Variants in PDZD2 observed in about 807,000 individuals in gnomAD.
The protein encoded by PDZD2 is PDZ domain-containing protein 2.
PDZD2 carries 90 observed loss-of-function variants against 220.7 expected under a neutral mutation model. The observed-to-expected ratio is 0.41, with a 90% CI of 0.34 to 0.49. The LOEUF (loss-of-function observed/expected upper bound fraction) is 0.49, where lower values mean the gene tolerates loss of function less well. PDZD2 is among the 20% of genes least tolerant of loss of function. The pLI, the probability that PDZD2 is intolerant of heterozygous loss-of-function variation, is 0.28. For missense variants in PDZD2, 3,174 were observed against 3,608.5 expected (o/e 0.88, Z 3.08); for synonymous variants, 1,375 against 1,450.5 (o/e 0.95, Z 1.18).
rs774267036 is a variant in PDZD2, at chr5:32,000,185, C to T, written c.1168C>T (p.His390Tyr). The change falls in exon 5 of 25, where the codon CAT (histidine) becomes TAT (tyrosine). Residue 390 changes from histidine to tyrosine, a missense_variant. Transcript: ENST00000438447. This position sits in a 1 kb window ranked among gnomAD's most constrained non-coding sequence, Gnocchi z 4.5. ...LGDELLVING[H>Y]LLVGLSHEEA... ...AGATGAGCTGCTGGTAATCAATGGT[C>T]ATTTACTGGTCGGGCTCTCCCACGA... is the stretch of plus-strand genomic sequence containing the variant. 9 of 1,613,758 alleles carry T rather than the reference C, an allele frequency of 5.6e-6. No individual in the cohort carries two copies. The African/African-American group carries it at 8.0e-5, about 14-fold the overall frequency.
At chr5:32,023,302 A>G (rs1475597729) in intron 6 of PDZD2, among the ~76,000 whole-genome samples, 1 of 152,044 alleles carries the variant, frequency 6.6e-6, no homozygotes, top group East Asian at 1.9e-4. Flanking sequence ...CTCTCCACTG[A>G]GGTCCCCACC....
intron 1 of PDZD2, among the ~76,000 whole-genome samples, chr5:31,695,497 T>C (rs577098063): frequency 2.6e-5 from 4 of 152,384 alleles, no homozygotes; most frequent in African/African-American, 9.6e-5. Context: ...ATCCAGTTTT[T>C]ATTGAAAATA....
At chr5:31,779,598 C>T (rs1463002110) in intron 1 of PDZD2, among the ~76,000 whole-genome samples, 2 of 152,068 alleles carry the variant, frequency 1.3e-5, no homozygotes, top group South Asian at 4.2e-4. Flanking sequence ...TGGTCTCGAT[C>T]TCCTGACCTC....
intron 2 of PDZD2, among the ~76,000 whole-genome samples, chr5:31,868,410 C>T (rs1456991216): frequency 2.6e-5 from 4 of 152,170 alleles, no homozygotes; most frequent in Non-Finnish European, 5.9e-5. Context: ...GCGCCACCTG[C>T]ACTCCAGCCT....
chr5:31,666,728 G>C lies in PDZD2; in HGVS notation c.-361+27291G>C, dbSNP rs181728285. The stretch of plus-strand genomic sequence containing the variant: ...CGCGCTGGGCCTGTATACCATAAGA[G>C]AGTAATTTCACTGTGAGCGTAATGA... On this transcript the variant is annotated intron_variant, in intron 1 of 24. Coordinates refer to ENST00000438447, the MANE Select transcript of PDZD2 (RefSeq NM_178140.4). Among the ~76,000 whole-genome samples, 177 of 152,304 alleles carry C rather than the reference G, an allele frequency of 1.2e-3. 2 individuals carry two copies. The highest frequency in any genetic ancestry group is 3.8e-3 in the African/African-American group (158 of 41,556).
At chr5:31,822,454 T>C (rs1178110736) in intron 2 of PDZD2, 2 of 404,294 alleles carry the variant, frequency 4.9e-6, no homozygotes, top group Non-Finnish European at 9.2e-6. Flanking sequence ...TATAGTTTTT[T>C]TTTTCCCAAA....
chr5:31,798,334 A>G (rs1465603774), intron 1 of PDZD2, among the ~76,000 whole-genome samples: 2 of 152,200 alleles, frequency 1.3e-5, no homozygotes, highest in Non-Finnish European at 2.9e-5. Context: ...CTCTGAATCT[A>G]CAGGATGGCG....
intron 1 of PDZD2, among the ~76,000 whole-genome samples, chr5:31,785,798 T>C (rs966594546): frequency 6.6e-6 from 1 of 152,002 alleles, no homozygotes; most frequent in Non-Finnish European, 1.5e-5. Flanking sequence ...AGAGTGACGG[T>C]GGATCCAACC....
At chr5:32,035,679 TA>T (rs1310160818) in intron 6 of PDZD2, among the ~76,000 whole-genome samples, 1 of 152,010 alleles carries the variant, frequency 6.6e-6, no homozygotes, top group Non-Finnish European at 1.5e-5. Flanking sequence ...CATTACCTGT[TA>T]ATTTGAGGGT....
intron 1 of PDZD2, among the ~76,000 whole-genome samples, chr5:31,702,685 A>G (rs1747655733): frequency 6.6e-6 from 1 of 152,224 alleles, no homozygotes; most frequent in Non-Finnish European, 1.5e-5. Context: ...ATAGGCCAAG[A>G]TTATCTCGAA....
chr5:31,930,724 A>G (rs1390697351), intron 2 of PDZD2, among the ~76,000 whole-genome samples: 6 of 152,152 alleles, frequency 3.9e-5, no homozygotes, highest in Non-Finnish European at 5.9e-5. Context: ...CAAGGCCCTA[A>G]GGTGTGACTC....
At chr5:32,018,363 C>T (rs916818684) in intron 6 of PDZD2, among the ~76,000 whole-genome samples, 15 of 152,336 alleles carry the variant, frequency 9.8e-5, no homozygotes, top group African/African-American at 3.4e-4. Context: ...GTGTGCACGG[C>T]GTTGAGACAA....
intron 24 of PDZD2, chr5:32,103,707 T>G (rs893678596): frequency 6.6e-6 from 1 of 152,238 alleles, no homozygotes; most frequent in African/African-American, 2.4e-5. Context: ...ACAGGACACG[T>G]AGCCTCTGCA....
chr5:31,756,711 C>A (rs1030173892), intron 1 of PDZD2, among the ~76,000 whole-genome samples: 4 of 152,176 alleles, frequency 2.6e-5, no homozygotes, highest in African/African-American at 4.8e-5. Flanking sequence ...ATGGTCTGGG[C>A]GACACTGTGC....
intron 24 of PDZD2, among the ~76,000 whole-genome samples, chr5:32,101,508 C>A (rs1222123995): frequency 6.6e-6 from 1 of 152,188 alleles, no homozygotes; most frequent in African/African-American, 2.4e-5. Flanking sequence ...CAGAACCAGG[C>A]TCCAGCCCAG....
At chr5:31,839,655 T>C (rs946796895) in intron 2 of PDZD2, among the ~76,000 whole-genome samples, 2 of 152,144 alleles carry the variant, frequency 1.3e-5, no homozygotes, top group African/African-American at 4.8e-5. Flanking sequence ...TCAAGACCAG[T>C]CTGAGCAACA....
intron 2 of PDZD2, among the ~76,000 whole-genome samples, chr5:31,824,684 G>GA (rs61458710): frequency 0.15 from 21,298 of 140,046 alleles, 1,670 homozygotes; most frequent in Non-Finnish European, 0.19. Flanking sequence ...TGTCTAACCT[G>GA]AAAAAAAAAA....
Position 31,639,929 on chromosome 5 carries a change from CGGGGCGAGGGAATGCAG to C in PDZD2, c.-361+499_-361+515del, listed in dbSNP as rs1161967128. On this transcript the variant is annotated intron_variant, in intron 1 of 24. Transcript: ENST00000438447. This position sits in a 1 kb window ranked among gnomAD's most constrained non-coding sequence, Gnocchi z 4.1. ...CTTTGCCCAGATGAGACGTTAGACG[CGGGGCGAGGGAATGCAG>C]GGGGCGCGCAAAGATCAAGGGCATC... Among the ~76,000 whole-genome samples, 1 of 152,076 alleles carries C rather than the reference CGGGGCGAGGGAATGCAG, an allele frequency of 6.6e-6. No individual in the cohort carries two copies. Among genetic ancestry groups the C allele is most frequent in the Non-Finnish European group, 1.5e-5 (1 of 67,992 alleles).
chr5:31,890,401 T>C (rs1740923120), intron 2 of PDZD2, among the ~76,000 whole-genome samples: 1 of 152,178 alleles, frequency 6.6e-6, no homozygotes, highest in South Asian at 2.1e-4. Flanking sequence ...AAAATAACTC[T>C]TTAACCCCCT....
Sources: allele counts gnomAD v4.1 joint callset (sites outside exome capture counted in the v4.1 genomes callset), GRCh38; gene constraint gnomAD v4.1.1; non-coding constraint Gnocchi (gnomAD v3.1); transcripts MANE v1.5; gene names NCBI Gene and HGNC (gene_info 2026-07-23, HGNC 2026-07-21).